Variants in TBC1D19 observed in about 807,000 individuals in gnomAD.
TBC1D19 encodes the protein TBC1 domain family member 19.
TBC1D19 carries 60 observed loss-of-function variants against 89.0 expected under a neutral mutation model. The ratio of observed to expected loss-of-function variants is 0.67; its 90% CI spans 0.55 to 0.84. TBC1D19 has a LOEUF of 0.84. Ranked by LOEUF, TBC1D19 falls within the 40% of genes least tolerant of loss-of-function variation. The probability of loss-of-function intolerance (pLI) is 0.00; values close to 1 mark genes in which losing one functional copy is unlikely to be tolerated. For missense variants in TBC1D19, 500 were observed against 610.8 expected, an observed-to-expected ratio of 0.82 and a Z score of 1.91; for synonymous variants, 189 against 199.7, an observed-to-expected ratio of 0.95 and a Z score of 0.45.
the TBC1D19 span, among the ~76,000 whole-genome samples, chr4:26,804,371 G>A: frequency 6.6e-6 from 1 of 152,130 alleles, no homozygotes; most frequent in Admixed American, 6.5e-5. Context: ...GTCTTGAACT[G>A]CTGACCTCAG....
At chr4:26,604,798 G>A (rs1387686168) in intron 1 of TBC1D19, among the ~76,000 whole-genome samples, 6 of 151,904 alleles carry the variant, frequency 3.9e-5, no homozygotes, top group Admixed American at 1.3e-4. Context: ...GGAGAATGGC[G>A]TGAACCCGGG....
At chr4:26,660,541 C>T (rs1175796272) in intron 8 of TBC1D19, among the ~76,000 whole-genome samples, 2 of 152,174 alleles carry the variant, frequency 1.3e-5, no homozygotes, top group African/African-American at 4.8e-5. Context: ...ATAAACGTTT[C>T]CCCTTTGCCA....
downstream of TBC1D19, among the ~76,000 whole-genome samples, chr4:26,757,698 TAGAGACCATTAAGCTTG>T (rs1719321841): frequency 6.6e-6 from 1 of 152,174 alleles, no homozygotes; most frequent in Admixed American, 6.5e-5. Context: ...GCAGGGAAAA[TAGAGACCATTAAGCTTG>T]AGTTGTCTCA....
rs140352482 is a variant in TBC1D19, at chr4:26,577,282, CGT to C, written c.6+503_6+504del. ...AATCCTTAAAATCTCTCTTCTCTCTCGTGTGTGTGTGTGTGTGTGCGTGTGTG... is the reference window on the plus strand; with the variant it reads ...AATCCTTAAAATCTCTCTTCTCTCTCGTGTGTGTGTGTGTGTGCGTGTGTG... On this transcript the variant is annotated intron_variant, in intron 1 of 12. Coordinates refer to the TBC1D19 transcript ENST00000512840. Among the ~76,000 whole-genome samples the C allele has an allele frequency of 2.2e-3, 330 of 149,278 alleles. 1 individual carries two copies. Among genetic ancestry groups the C allele is most frequent in the African/African-American group, 6.7e-3 (273 of 40,884 alleles).
chr4:26,856,905 T>C, the TBC1D19 span, among the ~76,000 whole-genome samples: 2 of 152,220 alleles, frequency 1.3e-5, no homozygotes, highest in Non-Finnish European at 2.9e-5. Context: ...CAAAGTTAAC[T>C]CGCTTCTGTT....
At chr4:26,586,787 TA>T (rs1264509413) in intron 1 of TBC1D19, among the ~76,000 whole-genome samples, 1 of 152,186 alleles carries the variant, frequency 6.6e-6, no homozygotes, top group Non-Finnish European at 1.5e-5. Flanking sequence ...CAATTGATAT[TA>T]ATCTATTTAC....
the TBC1D19 span, among the ~76,000 whole-genome samples, chr4:26,828,271 G>C: frequency 6.6e-6 from 1 of 152,182 alleles, no homozygotes; most frequent in African/African-American, 2.4e-5. Context: ...TTAGGCTCCA[G>C]CTTCAACTGC....
intron 17 of TBC1D19, among the ~76,000 whole-genome samples, chr4:26,742,180 G>C (rs1245000412): frequency 6.6e-6 from 1 of 152,190 alleles, no homozygotes; most frequent in Non-Finnish European, 1.5e-5. Flanking sequence ...AGTAATCATA[G>C]TGGCTTGCAA....
chr4:26,838,673 T>A, the TBC1D19 span, among the ~76,000 whole-genome samples: 3 of 152,224 alleles, frequency 2.0e-5, no homozygotes, highest in South Asian at 6.2e-4. Flanking sequence ...TCCTGTACTT[T>A]GTCAGACTGG....
chr4:26,697,396 G>T (rs1714897190), intron 13 of TBC1D19, among the ~76,000 whole-genome samples: 1 of 152,130 alleles, frequency 6.6e-6, no homozygotes, highest in African/African-American at 2.4e-5. Context: ...AAGAAGTCCA[G>T]GACCAGGGGG....
the TBC1D19 span, among the ~76,000 whole-genome samples, chr4:26,798,006 C>T: frequency 6.6e-6 from 1 of 152,082 alleles, no homozygotes; most frequent in South Asian, 2.1e-4. Context: ...ATGCTGAAGA[C>T]CTTAAAAGCA....
intron 1 of TBC1D19, among the ~76,000 whole-genome samples, chr4:26,590,654 C>T (rs1346666100): frequency 6.6e-6 from 1 of 151,770 alleles, no homozygotes; most frequent in Non-Finnish European, 1.5e-5. Context: ...TCCATTTATC[C>T]CTCTCCTTTG....
chr4:26,753,004 G>A (rs1476736970), intron 19 of TBC1D19, among the ~76,000 whole-genome samples: 1 of 151,916 alleles, frequency 6.6e-6, no homozygotes, highest in Non-Finnish European at 1.5e-5. Context: ...CCTTTAAGTT[G>A]TCCTGTAATG....
intron 19 of TBC1D19, among the ~76,000 whole-genome samples, chr4:26,752,605 C>T (rs1010839073): frequency 6.6e-6 from 1 of 152,084 alleles, no homozygotes; most frequent in Non-Finnish European, 1.5e-5. Context: ...GTAGAGAATC[C>T]ACTACCATCA....
At chr4:26,752,645 A>T (rs149725280) in intron 19 of TBC1D19, among the ~76,000 whole-genome samples, 81 of 152,330 alleles carry the variant, frequency 5.3e-4, no homozygotes, top group African/African-American at 1.8e-3. Context: ...GAGATAAGTC[A>T]AGAGTTAGCT....
At chr4:26,739,518 T>C (rs1718227058) in intron 16 of TBC1D19, among the ~76,000 whole-genome samples, 1 of 152,170 alleles carries the variant, frequency 6.6e-6, no homozygotes, top group Admixed American at 6.5e-5. Flanking sequence ...GTTATTTTCT[T>C]ATTACTTCAA....
chr4:26,769,336 G>A, the TBC1D19 span, among the ~76,000 whole-genome samples: 1 of 151,962 alleles, frequency 6.6e-6, no homozygotes, highest in Non-Finnish European at 1.5e-5. Flanking sequence ...AAAAGGAAAT[G>A]TGTGTTTACA....
the TBC1D19 span, among the ~76,000 whole-genome samples, chr4:26,772,337 G>A: frequency 6.6e-6 from 1 of 151,966 alleles, no homozygotes; most frequent in Non-Finnish European, 1.5e-5. Flanking sequence ...GTCCCTGAAG[G>A]GTCTTGCAGT....
chr4:26,703,105 A>C (rs1306067363), intron 13 of TBC1D19, among the ~76,000 whole-genome samples: 1 of 152,212 alleles, frequency 6.6e-6, no homozygotes, highest in Admixed American at 6.5e-5. Context: ...ATCTGTCTAA[A>C]TAAGCTTTAA....
Sources: gnomAD v4.1 joint callset for allele counts (sites outside exome capture counted in the v4.1 genomes callset) on GRCh38, gnomAD v4.1.1 for gene constraint, MANE v1.5 for transcripts, NCBI Gene and HGNC (gene_info 2026-07-23, HGNC 2026-07-21) for gene names.